The following ARK2C variants were observed in gnomAD, a reference collection of about 807,000 sequenced individuals.
ARK2C encodes the protein E3 ubiquitin-protein ligase ARK2C.
chr18:46,338,713 C>G, the ARK2C span, among the ~76,000 whole-genome samples: 1 of 152,060 alleles, frequency 6.6e-6, no homozygotes, highest in Non-Finnish European at 1.5e-5. Context: ...TACACCTATT[C>G]AATTTCAGCC....
At chr18:46,430,222 GC>G in the ARK2C span, among the ~76,000 whole-genome samples, 1 of 152,120 alleles carries the variant, frequency 6.6e-6, no homozygotes, top group Non-Finnish European at 1.5e-5. Context: ...TAATGGTTTG[GC>G]TGGGCAGATA....
At chr18:46,334,241 AGCCGCCGCCGCC>A in the ARK2C span, 1 of 1,414,554 alleles carries the variant, frequency 7.1e-7, no homozygotes, top group Non-Finnish European at 9.3e-7. The surrounding 1 kb of genome is among the most constrained non-coding windows in gnomAD (Gnocchi z 4.4). Context: ...GCCCGCGCGC[AGCCGCCGCCGCC>A]GCCGCCGCGC....
At chr18:46,434,078 G>A in the ARK2C span, among the ~76,000 whole-genome samples, 8 of 152,212 alleles carry the variant, frequency 5.3e-5, no homozygotes, top group African/African-American at 1.9e-4. Flanking sequence ...CAAGCAGGGA[G>A]TGAAATTAGA....
chr18:46,446,966 C>G, the ARK2C span, among the ~76,000 whole-genome samples: 1 of 152,146 alleles, frequency 6.6e-6, no homozygotes, highest in Non-Finnish European at 1.5e-5. Flanking sequence ...TCCATCTTAT[C>G]TTGCTCATTT....
chr18:46,407,543 T>A, the ARK2C span, among the ~76,000 whole-genome samples: 1 of 152,082 alleles, frequency 6.6e-6, no homozygotes, highest in Non-Finnish European at 1.5e-5. Context: ...TAGGCAGAGG[T>A]CTTGTTTAGT....
chr18:46,342,443 C>T, the ARK2C span, among the ~76,000 whole-genome samples: 1 of 152,200 alleles, frequency 6.6e-6, no homozygotes, highest in African/African-American at 2.4e-5. Flanking sequence ...GGGTCTAGAC[C>T]CCCAACCCTG....
the ARK2C span, among the ~76,000 whole-genome samples, chr18:46,352,976 GT>G: frequency 1.3e-5 from 2 of 152,196 alleles, no homozygotes. Context: ...GGCACTGTGG[GT>G]GGGACTAGCA....
At chr18:46,381,478 G>A in the ARK2C span, among the ~76,000 whole-genome samples, 4 of 152,248 alleles carry the variant, frequency 2.6e-5, no homozygotes, top group Non-Finnish European at 4.4e-5. Flanking sequence ...GTCCCTGTTT[G>A]GTCCTTCTCA....
At chr18:46,443,613 T>C in the ARK2C span, among the ~76,000 whole-genome samples, 1 of 152,228 alleles carries the variant, frequency 6.6e-6, no homozygotes, top group African/African-American at 2.4e-5. Flanking sequence ...TATTGGAACA[T>C]AGACACATCT....
the ARK2C span, among the ~76,000 whole-genome samples, chr18:46,419,716 G>T: frequency 8.1e-4 from 124 of 152,334 alleles, no homozygotes; most frequent in African/African-American, 2.7e-3. Context: ...GGGCAGCCAA[G>T]GGGCTGATGG....
At chr18:46,391,488 G>A in the ARK2C span, among the ~76,000 whole-genome samples, 12 of 152,194 alleles carry the variant, frequency 7.9e-5, no homozygotes, top group Admixed American at 5.2e-4. Context: ...GTCCTCATCC[G>A]TCATGTGTGT....
At chr18:46,386,170 T>G in the ARK2C span, 1 of 152,342 alleles carries the variant, frequency 6.6e-6, no homozygotes, top group South Asian at 2.1e-4. Context: ...CATGCCAGGG[T>G]TTCTCTTCCT....
chr18:46,429,653 TA>T, the ARK2C span, among the ~76,000 whole-genome samples: 1 of 152,234 alleles, frequency 6.6e-6, no homozygotes, highest in Non-Finnish European at 1.5e-5. Flanking sequence ...TTCCTGGTCA[TA>T]ATAATTGCCT....
chr18:46,372,375 A>C, the ARK2C span, among the ~76,000 whole-genome samples: 1 of 152,164 alleles, frequency 6.6e-6, no homozygotes, highest in Non-Finnish European at 1.5e-5. Flanking sequence ...CTCAGCTGAG[A>C]GCAGTAAACC....
chr18:46,347,611 C>T, the ARK2C span, among the ~76,000 whole-genome samples: 4 of 152,256 alleles, frequency 2.6e-5, no homozygotes, highest in Non-Finnish European at 4.4e-5. Flanking sequence ...CTGGATTAAA[C>T]GAGACGGTGG....
the ARK2C span, among the ~76,000 whole-genome samples, chr18:46,406,566 G>C: frequency 1.3e-5 from 2 of 152,230 alleles, no homozygotes; most frequent in Admixed American, 1.3e-4. Context: ...GGCTCAGAGA[G>C]GTCCTGGCTT....
At chr18:46,413,604 G>A in the ARK2C span, among the ~76,000 whole-genome samples, 1 of 152,092 alleles carries the variant, frequency 6.6e-6, no homozygotes, top group Admixed American at 6.5e-5. Flanking sequence ...TGACATTTGG[G>A]AAGAGGAGTG....
the ARK2C span, among the ~76,000 whole-genome samples, chr18:46,375,214 G>A: frequency 2.6e-5 from 4 of 152,270 alleles, no homozygotes; most frequent in Middle Eastern, 3.4e-3. Flanking sequence ...GTCACTGGCC[G>A]CATCTATATA....
chr18:46,381,792 C>T, the ARK2C span, among the ~76,000 whole-genome samples: 10 of 151,944 alleles, frequency 6.6e-5, no homozygotes, highest in South Asian at 2.1e-4. Flanking sequence ...GATTCTACCA[C>T]TGCACCCTAA....
Sources: allele counts gnomAD v4.1 joint callset (sites outside exome capture counted in the v4.1 genomes callset), GRCh38; gene constraint gnomAD v4.1.1; non-coding constraint Gnocchi (gnomAD v3.1); transcripts MANE v1.5; gene names NCBI Gene and HGNC (gene_info 2026-07-23, HGNC 2026-07-21).